Variants in OSBPL6 observed in about 807,000 individuals in gnomAD.
OSBPL6 encodes the protein oxysterol-binding protein-related protein 6.
A neutral mutation model predicts 125.8 loss-of-function variants in OSBPL6; 49 were observed. That is an observed-to-expected ratio of 0.39 (90% CI 0.31 to 0.49). The LOEUF (loss-of-function observed/expected upper bound fraction) is 0.49. Among genes scored for constraint, OSBPL6 ranks in the 20% least tolerant of loss-of-function variants. The probability of loss-of-function intolerance (pLI) is 0.88; values close to 1 mark genes in which losing one functional copy is unlikely to be tolerated. For missense variants in OSBPL6, 986 were observed against 1,135.4 expected (o/e 0.87, Z 1.89); for synonymous variants, 394 against 391.8 (o/e 1.01, Z -0.07).
chr2:178,201,501 A>T (rs538689354), intron 1 of OSBPL6, among the ~76,000 whole-genome samples: 3 of 152,204 alleles, frequency 2.0e-5, no homozygotes, highest in African/African-American at 7.2e-5. Context: ...CAGCCCCCTG[A>T]GTGCCTGGGA....
intron 2 of OSBPL6, among the ~76,000 whole-genome samples, chr2:178,301,908 C>T (rs1686328612): frequency 6.6e-6 from 1 of 152,112 alleles, no homozygotes; most frequent in South Asian, 2.1e-4. Context: ...TTCTTGTAAG[C>T]CTCTTGGAAG....
chr2:178,391,439 C>G (rs1401681340), intron 22 of OSBPL6, among the ~76,000 whole-genome samples: 1 of 152,208 alleles, frequency 6.6e-6, no homozygotes, highest in Non-Finnish European at 1.5e-5. Context: ...GGCCAAATCT[C>G]TGACAGGCAG....
chr2:178,353,993 T>C (rs577763712), intron 12 of OSBPL6, among the ~76,000 whole-genome samples: 2 of 152,170 alleles, frequency 1.3e-5, no homozygotes, highest in African/African-American at 4.8e-5. Flanking sequence ...AAACTAAGCT[T>C]CATAAGAAAG....
intron 1 of OSBPL6, among the ~76,000 whole-genome samples, chr2:178,282,620 A>C (rs1368141738): frequency 6.6e-6 from 1 of 152,124 alleles, no homozygotes; most frequent in Non-Finnish European, 1.5e-5. Flanking sequence ...CATAGGAAGG[A>C]GGAAGGAAGA....
upstream of OSBPL6, chr2:178,194,363 G>C (rs1460625004): frequency 6.6e-6 from 1 of 152,082 alleles, no homozygotes; most frequent in Non-Finnish European, 1.5e-5. Flanking sequence ...AGCCCCAGCC[G>C]CTTGCCGCTC....
At chr2:178,238,169 G>A (rs557144984) in intron 1 of OSBPL6, among the ~76,000 whole-genome samples, 25 of 152,078 alleles carry the variant, frequency 1.6e-4, no homozygotes, top group Non-Finnish European at 2.5e-4. Context: ...GTTACCCATG[G>A]TCAACCAAGG....
chr2:178,347,041 A>G (rs1458586974), intron 11 of OSBPL6, among the ~76,000 whole-genome samples: 2 of 152,172 alleles, frequency 1.3e-5, no homozygotes, highest in African/African-American at 4.8e-5. Context: ...TTAAGTTTCC[A>G]TTGTGTTCAA....
At chr2:178,281,713 A>G (rs865938768) in intron 1 of OSBPL6, among the ~76,000 whole-genome samples, 15 of 149,878 alleles carry the variant, frequency 1.0e-4, no homozygotes, top group Middle Eastern at 3.4e-3. Flanking sequence ...AAAACTAAAC[A>G]CTGCATGTTC....
intron 1 of OSBPL6, among the ~76,000 whole-genome samples, chr2:178,274,550 T>C (rs2092432911): frequency 6.6e-6 from 1 of 152,156 alleles, no homozygotes; most frequent in Admixed American, 6.5e-5. Flanking sequence ...AAGGTCACAT[T>C]ACTGGCAATT....
At position 178,336,385 on chromosome 2, in the gene OSBPL6, G is replaced by A. The variant is rs1286327968; in HGVS notation, c.742G>A (p.Val248Met). ...AACGTGCACAACTGGCCAGAGTAAA[G>A]TGGCAGCCTGGTTACAGGACTCGGA... ...PATCTTGQSK[V>M]AAWLQDSEEM... Residue 248 changes from valine to methionine, a missense_variant, in exon 9 of 25, where the codon GTG becomes ATG. Val to Met is a conservative substitution (Grantham distance 21). Around this residue, in one of 3 missense-constraint regions of OSBPL6, gnomAD observed 843 missense variants for 997.3 expected, o/e 0.85. Coordinates refer to ENST00000190611, the MANE Select transcript of OSBPL6 (RefSeq NM_032523.4). 6.2e-7 allele frequency: 1 copy of A among 1,614,168 alleles called. No individual in the cohort carries two copies. Among genetic ancestry groups the A allele is most frequent in the Non-Finnish European group, 8.5e-7 (1 of 1,180,014 alleles).
chr2:178,249,343 T>C (rs775010702), intron 1 of OSBPL6, among the ~76,000 whole-genome samples: 1 of 152,244 alleles, frequency 6.6e-6, no homozygotes, highest in Admixed American at 6.5e-5. Context: ...TGATCATCTA[T>C]GTATGGCACG....
In OSBPL6 at chr2:178,306,214, T is replaced by G. The variant is rs776437012; in HGVS notation, c.30T>G (p.Pro10=). The G allele has an allele frequency of 3.7e-6, 6 of 1,613,868 alleles. No individual in the cohort carries two copies. The highest frequency in any genetic ancestry group is 5.1e-6 in the Non-Finnish European group (6 of 1,179,770). Residue 10 remains proline, a synonymous_variant, in exon 3 of 25, where the codon CCT becomes CCG. Transcript: ENST00000190611. MSSDEKGIS[P]AHKTSTPTHR... is the part of the protein sequence containing the mutation. ...GTTCAGATGAGAAGGGCATTTCCCC[T>G]GCTCATAAAACATCCACTCCAACCC...
chr2:178,319,343 T>C (rs978035451), intron 3 of OSBPL6, among the ~76,000 whole-genome samples: 2 of 152,252 alleles, frequency 1.3e-5, no homozygotes, highest in Non-Finnish European at 2.9e-5. Context: ...TTTTCTTTTT[T>C]ATTTCACTCA....
At chr2:178,318,502 G>A (rs1221110992) in intron 3 of OSBPL6, among the ~76,000 whole-genome samples, 2 of 152,232 alleles carry the variant, frequency 1.3e-5, no homozygotes, top group Non-Finnish European at 2.9e-5. Context: ...TTCAGCCATG[G>A]CCTTTTGGCT....
At position 178,331,552 on chromosome 2, in the gene OSBPL6, C is replaced by G; in HGVS notation, c.319C>G (p.Arg107Gly). 6.2e-7 allele frequency: 1 copy of G among 1,613,990 alleles called. No individual in the cohort carries two copies. Among genetic ancestry groups the G allele is most frequent in the Non-Finnish European group, 8.5e-7 (1 of 1,179,912 alleles). Residue 107 changes from arginine to glycine, a missense_variant and splice_region_variant, in exon 6 of 25, where the codon CGT becomes GGT. This residue lies in a region of OSBPL6 where 13 missense variants were observed against 31.7 expected (regional missense o/e 0.41). Coordinates refer to ENST00000190611, the MANE Select transcript of OSBPL6 (RefSeq NM_032523.4). ...RKWPLKGWHK[R>G]FFVLDNGMLK... ...AACTGGGGGTGTTTGGTTCTTGCAG[C>G]GTTTTTTTGTCCTGGATAATGGAAT... is the stretch of plus-strand genomic sequence containing the variant.
At chr2:178,327,765 A>G (rs1688822974) in intron 4 of OSBPL6, among the ~76,000 whole-genome samples, 2 of 152,106 alleles carry the variant, frequency 1.3e-5, no homozygotes, top group Admixed American at 6.5e-5. Context: ...AACCTCCCCG[A>G]GAGCAGCCGT....
intron 11 of OSBPL6, among the ~76,000 whole-genome samples, chr2:178,348,727 T>G (rs1398249875): frequency 6.6e-6 from 1 of 152,220 alleles, no homozygotes; most frequent in Non-Finnish European, 1.5e-5. Flanking sequence ...AAGCCATTAC[T>G]GTATTTCCTG....
Position 178,317,438 on chromosome 2 carries a change from A to ATG in OSBPL6, c.103-6738_103-6737insGT, listed in dbSNP as rs1687846220. 0.011 allele frequency among the ~76,000 whole-genome samples: 4 copies of ATG among 356 alleles called. No individual in the cohort carries two copies. The South Asian group carries it at 0.29, about 25-fold the overall frequency. The allele number at this position is 356 out of a possible 152,430, so 0.2% of individuals were successfully genotyped here. A position where few individuals can be genotyped will look rare whatever the true frequency, so the allele number is the denominator to read the frequency against. On this transcript the variant is annotated intron_variant, in intron 3 of 24. Coordinates refer to ENST00000190611, the MANE Select transcript of OSBPL6 (RefSeq NM_032523.4). The stretch of plus-strand genomic sequence containing the variant: ...ATGTCGCAGCAGAAACTTAGACACC[A>ATG]TATATATATATATATATATATATAT...
At chr2:178,328,157 C>T (rs1688861584) in intron 4 of OSBPL6, 99 bp from the exon 5 acceptor site, 14 of 1,495,782 alleles carry the variant, frequency 9.4e-6, no homozygotes, top group Non-Finnish European at 1.2e-5. Context: ...TCTGGTGGGC[C>T]TAGTACTGCT....
Sources: gnomAD v4.1 joint callset for allele counts (sites outside exome capture counted in the v4.1 genomes callset) on GRCh38, gnomAD v4.1.1 for gene constraint, gnomAD v4.1.1 regional missense constraint, MANE v1.5 for transcripts, NCBI Gene and HGNC (gene_info 2026-07-23, HGNC 2026-07-21) for gene names.